The following TRMT2B variants were observed in gnomAD, a reference collection of about 807,000 sequenced individuals.
TRMT2B encodes the protein tRNA (uracil-5-)-methyltransferase homolog B.
In TRMT2B, 34 loss-of-function variants were observed where a neutral mutation model predicts 39.7. That is an observed-to-expected ratio of 0.86 (90% CI 0.65 to 1.14). The LOEUF is 1.14. Among genes scored for constraint, TRMT2B ranks in the 50% most tolerant of loss-of-function variants. The pLI, the probability that TRMT2B is intolerant of heterozygous loss-of-function variation, is 0.00. For synonymous variants in TRMT2B, 132 were observed against 137.3 expected (o/e 0.96, Z 0.27); for missense variants, 318 against 377.2 (o/e 0.84, Z 1.30).
the TRMT2B span, among the ~76,000 whole-genome samples, chrX:100,998,686 T>A: frequency 1.8e-5 from 2 of 111,850 alleles, no homozygotes; most frequent in Admixed American, 9.6e-5. Context: ...GTGCTATTAT[T>A]ATCCTTATTT....
chrX:100,977,202 T>C, the TRMT2B span, among the ~76,000 whole-genome samples: 1 of 110,926 alleles, frequency 9.0e-6, no homozygotes, highest in South Asian at 3.8e-4. Flanking sequence ...TTGTACTCCC[T>C]CACTTACTCT....
the TRMT2B span, among the ~76,000 whole-genome samples, chrX:100,979,508 T>C: frequency 8.9e-6 from 1 of 112,157 alleles, no homozygotes; most frequent in Non-Finnish European, 1.9e-5. Flanking sequence ...ATTCCTTCTT[T>C]GTGTTATCTT....
chrX:101,051,446 C>T lies in TRMT2B; in HGVS notation c.-219G>A. ...ACAGGCAGTCAGGTCCTTGTCTCCC[C>T]AACAAGACTCCACTAGCCCTTCCAT... On this transcript the variant is annotated 5_prime_UTR_variant, in exon 2 of 14. The change creates a premature stop within an existing upstream ORF in the 5' untranslated region. Coordinates refer to ENST00000372936, the MANE Select transcript of TRMT2B (RefSeq NM_024917.6). The T allele has an allele frequency of 9.3e-6, 7 of 754,687 alleles. No homozygotes were observed. Among genetic ancestry groups the T allele is most frequent in the Non-Finnish European group, 1.1e-5 (7 of 639,506 alleles). 62.2% of individuals were successfully genotyped at this position (754,687 alleles called of 1,213,427 possible).
At chrX:100,999,652 C>T in the TRMT2B span, among the ~76,000 whole-genome samples, 1 of 112,291 alleles carries the variant, frequency 8.9e-6, no homozygotes, top group East Asian at 2.8e-4. Context: ...TGTGATGACT[C>T]AGCTGGTCTG....
chrX:101,022,146 C>A (rs1352303420), intron 8 of TRMT2B, 84 bp from the exon 9 acceptor site: 1 of 630,725 alleles, frequency 1.6e-6, no homozygotes, highest in East Asian at 3.3e-5. Context: ...ATCAGCCCTG[C>A]AGTAGTCAGA....
At chrX:101,050,576 T>C (rs2089003706) in intron 2 of TRMT2B, among the ~76,000 whole-genome samples, 1 of 109,134 alleles carries the variant, frequency 9.2e-6, no homozygotes, top group Non-Finnish European at 1.9e-5. Flanking sequence ...AGTACAAAAT[T>C]AGCCGGGTGT....
the TRMT2B span, chrX:100,987,429 C>G: frequency 8.3e-7 from 1 of 1,211,043 alleles, no homozygotes; most frequent in Admixed American, 2.2e-5. Context: ...AAGAAGAAAC[C>G]ATCAGCCCAT....
In TRMT2B at chrX:101,023,598, G is replaced by A. The variant is rs748500621; in HGVS notation, c.628C>T (p.Arg210Ter). 10 of 1,205,398 alleles carry A rather than the reference G, an allele frequency of 8.3e-6. No individual in the cohort carries two copies. Among genetic ancestry groups the A allele is most frequent in the Middle Eastern group, 2.3e-4 (1 of 4,352 alleles). The change falls in exon 8 of 14, where the codon CGA becomes TGA. Residue 210 changes from arginine to a stop codon, truncating the protein, a stop_gained. Coordinates refer to ENST00000372936, the MANE Select transcript of TRMT2B (RefSeq NM_024917.6). LOFTEE classifies it high-confidence loss of function. The stretch of plus-strand genomic sequence containing the variant: ...AGGCAGGGCTCCAATGGAGACTGTC[G>A]AAGGAATACTTCATAGTACTAGGAA... ...QVAQYYEVFL[R>*]QSPLEPCLVF...
Position 101,010,607 on chromosome X carries a change from C to T in TRMT2B, c.1489G>A (p.Glu497Lys). 8.3e-7 allele frequency: 1 copy of T among 1,211,435 alleles called. No individual in the cohort carries two copies. The highest frequency in any genetic ancestry group is 1.1e-6 in the Non-Finnish European group (1 of 895,380). Reference protein sequence around the residue: ...VDLFPHTPHCELVLLFTR With the variant: ...VDLFPHTPHCKLVLLFTR ...TATCGAGTAAAGAGGAGCACCAGCT[C>T]ACAATGTGGGGTGTGAGGGAACAAA... is the stretch of plus-strand genomic sequence containing the variant. Residue 497 changes from glutamate to lysine, a missense_variant, in exon 14 of 14, where the codon GAG (glutamate) becomes AAG (lysine). By Grantham distance (56) the Glu-to-Lys change is moderately conservative. Coordinates refer to ENST00000372936, the MANE Select transcript of TRMT2B (RefSeq NM_024917.6).
the TRMT2B span, among the ~76,000 whole-genome samples, chrX:100,982,380 T>C: frequency 9.1e-6 from 1 of 110,488 alleles, no homozygotes; most frequent in African/African-American, 3.3e-5. Context: ...TAATCTCAGC[T>C]ACGCAGCAGG....
the TRMT2B span, among the ~76,000 whole-genome samples, chrX:100,993,252 G>A: frequency 8.9e-6 from 1 of 111,987 alleles, no homozygotes; most frequent in African/African-American, 3.2e-5. Context: ...GATCTCATGT[G>A]CCCAAGCCAG....
intron 13 of TRMT2B, among the ~76,000 whole-genome samples, chrX:101,018,675 A>G (rs767773909): frequency 6.4e-5 from 7 of 109,706 alleles, no homozygotes; most frequent in Non-Finnish European, 9.5e-5. Context: ...GTGGTCTTGA[A>G]CTCCTGAGCT....
intron 7 of TRMT2B, among the ~76,000 whole-genome samples, chrX:101,034,695 A>G (rs747354069): frequency 8.9e-6 from 1 of 111,997 alleles, no homozygotes; most frequent in East Asian, 2.8e-4. Context: ...TGGCTTAACT[A>G]CAGAGTGGAA....
At chrX:101,045,463 A>G (rs1439947513) in intron 2 of TRMT2B, among the ~76,000 whole-genome samples, 1 of 106,247 alleles carries the variant, frequency 9.4e-6, no homozygotes, top group Non-Finnish European at 1.9e-5. Context: ...TCGAAAAAAA[A>G]AAAAAAACAA....
intron 4 of TRMT2B, among the ~76,000 whole-genome samples, chrX:101,038,694 T>C (rs5967231): frequency 0.045 from 5,044 of 111,971 alleles, 298 homozygotes; most frequent in African/African-American, 0.16. Flanking sequence ...GGCCACTAGC[T>C]ATATGTGGTT....
rs1430252092 is a variant in TRMT2B, at chrX:101,018,976, G to A, written c.1383C>T (p.Val461=). The A allele has an allele frequency of 5.9e-6, 7 of 1,189,819 alleles. No individual in the cohort carries two copies. Among genetic ancestry groups the A allele is most frequent in the African/African-American group, 1.8e-5 (1 of 56,979 alleles). The change falls in exon 13 of 14, where the codon GTC becomes GTT. Residue 461 remains valine (V), a synonymous_variant. Coordinates refer to ENST00000372936, the MANE Select transcript of TRMT2B (RefSeq NM_024917.6). ...CKLHGESTRN[V]IELCCPPDPA... is the part of the protein sequence containing the mutation. ...AAACAGAAGTCAAGACTTACTCAAT[G>A]ACATTCCTAGTGGATTCACCATGGA...
chrX:101,045,830 T>A (rs2148074010), intron 2 of TRMT2B, among the ~76,000 whole-genome samples: 1 of 106,186 alleles, frequency 9.4e-6, no homozygotes, highest in Non-Finnish European at 1.9e-5. Flanking sequence ...ATAACAAAAA[T>A]TTTAAAAATT....
At chrX:100,985,710 T>C in the TRMT2B span, 1 of 1,211,044 alleles carries the variant, frequency 8.3e-7, no homozygotes, top group Non-Finnish European at 1.1e-6. Context: ...CGGAACTGAC[T>C]ACACTTTTGT....
chrX:100,985,793 A>G, the TRMT2B span: 1 of 1,211,609 alleles, frequency 8.3e-7, no homozygotes, highest in Non-Finnish European at 1.1e-6. Flanking sequence ...CCAAACTACT[A>G]TGCACAGGCC....
Sources: gnomAD v4.1 joint callset for allele counts (sites outside exome capture counted in the v4.1 genomes callset) on GRCh38, gnomAD v4.1.1 for gene constraint, MANE v1.5 for transcripts, NCBI Gene and HGNC (gene_info 2026-07-23, HGNC 2026-07-21) for gene names.